Variants in OPCML observed in about 807,000 individuals in gnomAD.
OPCML encodes the protein opioid-binding protein/cell adhesion molecule.
Under a neutral mutation model 37.8 loss-of-function variants are expected in OPCML, and 13 were observed. The observed-to-expected ratio is 0.34, with a 90% CI of 0.22 to 0.55. The LOEUF (loss-of-function observed/expected upper bound fraction) is 0.55, where lower values mean the gene tolerates loss of function less well. Ranked by LOEUF, OPCML falls within the 20% of genes least tolerant of loss-of-function variation. The pLI, the probability that OPCML is intolerant of heterozygous loss-of-function variation, is 0.91. For synonymous variants in OPCML, 176 were observed against 168.8 expected (o/e 1.04, Z -0.33); for missense variants, 341 against 435.6 (o/e 0.78, Z 1.93).
intron 4 of OPCML, among the ~76,000 whole-genome samples, chr11:132,446,460 G>A (rs975301316): frequency 6.6e-6 from 1 of 151,706 alleles, no homozygotes; most frequent in Non-Finnish European, 1.5e-5. Flanking sequence ...GCCTATTTGG[G>A]CCAAAAAAAG....
intron 4 of OPCML, among the ~76,000 whole-genome samples, chr11:132,445,344 G>A (rs925133138): frequency 6.6e-6 from 1 of 152,214 alleles, no homozygotes; most frequent in African/African-American, 2.4e-5. Flanking sequence ...CAGACCGGGA[G>A]TAGCCGAGGA....
chr11:132,724,993 G>C (rs1944825064), intron 2 of OPCML, among the ~76,000 whole-genome samples: 1 of 152,162 alleles, frequency 6.6e-6, no homozygotes, highest in Non-Finnish European at 1.5e-5. Flanking sequence ...GGCTGACGTT[G>C]AGTGTCTGAG....
chr11:133,434,157 T>C (rs1016407658), intron 1 of OPCML, among the ~76,000 whole-genome samples: 2 of 152,192 alleles, frequency 1.3e-5, no homozygotes, highest in African/African-American at 2.4e-5. Flanking sequence ...ATTACCTTTA[T>C]AGTTAGGTGG....
chr11:133,437,882 T>C (rs530687978), intron 1 of OPCML, among the ~76,000 whole-genome samples: 138 of 152,270 alleles, frequency 9.1e-4, no homozygotes, highest in African/African-American at 3.3e-3. Flanking sequence ...CTCCACACCC[T>C]GGCAAACTTG....
intron 1 of OPCML, among the ~76,000 whole-genome samples, chr11:132,951,295 C>A (rs550593859): frequency 6.6e-6 from 1 of 152,284 alleles, no homozygotes; most frequent in African/African-American, 2.4e-5. Context: ...AGTGGCACAG[C>A]CTGCAAGTCT....
At chr11:132,434,128 T>C (rs2096005959) in intron 7 of OPCML, among the ~76,000 whole-genome samples, 1 of 152,126 alleles carries the variant, frequency 6.6e-6, no homozygotes, top group Admixed American at 6.5e-5. Flanking sequence ...AATGGCAGGT[T>C]GTGGCAGGGA....
intron 1 of OPCML, among the ~76,000 whole-genome samples, chr11:133,429,051 A>G (rs1176595129): frequency 9.9e-5 from 15 of 152,230 alleles, no homozygotes. Flanking sequence ...TACAACAATG[A>G]TAAGAGTAAC....
At chr11:133,225,680 A>G (rs1215628383) in intron 1 of OPCML, among the ~76,000 whole-genome samples, 1 of 152,178 alleles carries the variant, frequency 6.6e-6, no homozygotes, top group Admixed American at 6.5e-5. Flanking sequence ...GCCTACAGAG[A>G]GCCCAGGACT....
intron 1 of OPCML, among the ~76,000 whole-genome samples, chr11:133,521,894 G>T (rs1253827637): frequency 6.6e-6 from 1 of 152,214 alleles, no homozygotes; most frequent in African/African-American, 2.4e-5. Context: ...TCTCATAGGG[G>T]CTTGGCCTCC....
At chr11:133,305,033 T>C (rs1942876572) in intron 1 of OPCML, among the ~76,000 whole-genome samples, 2 of 152,166 alleles carry the variant, frequency 1.3e-5, no homozygotes, top group South Asian at 4.1e-4. Context: ...GCCCCTGCCC[T>C]GCAGCTTTTC....
chr11:132,667,721 G>A (rs186412291), intron 2 of OPCML, among the ~76,000 whole-genome samples: 5 of 152,304 alleles, frequency 3.3e-5, no homozygotes, highest in Admixed American at 3.3e-4. Context: ...GTTATCAGTT[G>A]AAGGTAAATG....
At chr11:132,640,616 AT>A (rs1940794215) in intron 3 of OPCML, among the ~76,000 whole-genome samples, 1 of 152,138 alleles carries the variant, frequency 6.6e-6, no homozygotes, top group African/African-American at 2.4e-5. Flanking sequence ...TGCCTTAGGG[AT>A]AAACATTTCT....
intron 2 of OPCML, among the ~76,000 whole-genome samples, chr11:132,715,323 C>A (rs973594631): frequency 6.6e-6 from 1 of 152,230 alleles, no homozygotes; most frequent in Non-Finnish European, 1.5e-5. Flanking sequence ...ATGAGTAATG[C>A]ACAATTTCTG....
At chr11:133,425,092 G>C (rs1428627637) in intron 1 of OPCML, among the ~76,000 whole-genome samples, 1 of 152,168 alleles carries the variant, frequency 6.6e-6, no homozygotes, top group East Asian at 1.9e-4. Flanking sequence ...TAGAAAGATA[G>C]ATTGTTCAGC....
At chr11:133,313,130 G>T (rs1431238918) in intron 1 of OPCML, among the ~76,000 whole-genome samples, 1 of 152,140 alleles carries the variant, frequency 6.6e-6, no homozygotes, top group Non-Finnish European at 1.5e-5. Context: ...TTTATATGCG[G>T]TCTGCATCCC....
At chr11:133,009,262 C>T (rs1027438068) in intron 1 of OPCML, 1 of 983,190 alleles carries the variant, frequency 1.0e-6, no homozygotes, top group African/African-American at 1.7e-5. Flanking sequence ...TAAATACTTG[C>T]TTGTTAAAAT....
chr11:132,574,955 A>C (rs2096446937), intron 3 of OPCML, among the ~76,000 whole-genome samples: 1 of 152,030 alleles, frequency 6.6e-6, no homozygotes, highest in African/African-American at 2.4e-5. Context: ...GGTATATCAT[A>C]TATATTTATT....
chr11:132,726,631 A>G (rs983454878), intron 2 of OPCML, among the ~76,000 whole-genome samples: 1 of 152,156 alleles, frequency 6.6e-6, no homozygotes, highest in African/African-American at 2.4e-5. Flanking sequence ...TCCTTGTAGA[A>G]CCAAAGAGTT....
chr11:133,050,226 C>G (rs1948105442), intron 1 of OPCML, among the ~76,000 whole-genome samples: 1 of 152,196 alleles, frequency 6.6e-6, no homozygotes, highest in Non-Finnish European at 1.5e-5. Context: ...ACTGTCCACC[C>G]TAAGAACTTT....
Sources: gnomAD v4.1 joint callset for allele counts (sites outside exome capture counted in the v4.1 genomes callset) on GRCh38, gnomAD v4.1.1 for gene constraint, MANE v1.5 for transcripts, NCBI Gene and HGNC (gene_info 2026-07-23, HGNC 2026-07-21) for gene names.